The following KLHL21 variants were observed in gnomAD, a reference collection of about 807,000 sequenced individuals.
KLHL21 encodes kelch like family member 21.
KLHL21 carries 42 observed loss-of-function variants against 44.1 expected under a neutral mutation model. The ratio of observed to expected loss-of-function variants is 0.95; its 90% CI spans 0.74 to 1.23. The LOEUF (loss-of-function observed/expected upper bound fraction) is 1.23. Among genes scored for constraint, KLHL21 ranks in the 50% most tolerant of loss-of-function variants. The probability of loss-of-function intolerance (pLI) is 0.00; values close to 1 mark genes in which losing one functional copy is unlikely to be tolerated. For missense variants in KLHL21, 918 were observed against 889.1 expected (o/e 1.03, Z -0.41); for synonymous variants, 524 against 411.6 (o/e 1.27, Z -3.31).
rs954744417 is a variant in KLHL21 at position 6,595,566 on chromosome 1, G to C, written c.1428-9C>G. 6.2e-7 allele frequency: 1 copy of C among 1,612,258 alleles called. No homozygotes were observed. Among genetic ancestry groups the C allele is most frequent in the African/African-American group, 1.3e-5 (1 of 74,884 alleles). ...CCTCAGCGGAGTCATCCCTGTGGAG[G>C]GGGCAGCAGGAGGACAACTGCTCAG... is the stretch of plus-strand genomic sequence containing the variant. On this transcript the variant is annotated splice_polypyrimidine_tract_variant and intron_variant, in intron 2 of 3. Transcript: ENST00000377658.
Position 6,591,291 on chromosome 1 carries a change from T to G in KLHL21, c.*2074A>C, listed in dbSNP as rs1031992787. 7 of 323,536 alleles carry G rather than the reference T, an allele frequency of 2.2e-5. No individual in the cohort carries two copies. Among genetic ancestry groups the G allele is most frequent in the Admixed American group, 2.0e-4 (4 of 20,278 alleles). 20.0% of individuals were successfully genotyped at this position (323,536 alleles called of 1,614,324 possible). On this transcript the variant is annotated 3_prime_UTR_variant, in exon 4 of 4. Transcript: ENST00000377658. The stretch of plus-strand genomic sequence containing the variant: ...AGGACAGACACAGGAGAGGGCACAA[T>G]CCCAAGCGCAGCTCTCCTGCACTGG...
chr1:6,600,756 G>A (rs1641004935), intron 1 of KLHL21, among the ~76,000 whole-genome samples: 1 of 152,244 alleles, frequency 6.6e-6, no homozygotes, highest in Non-Finnish European at 1.5e-5. Context: ...CCACTGGTCA[G>A]ACTTTCAGAA....
At chr1:6,599,799 C>T in intron 1 of KLHL21, 1 of 259,388 alleles carries the variant, frequency 3.9e-6, no homozygotes, top group Non-Finnish European at 7.4e-6. Context: ...CCTGGGGAGC[C>T]ACAGAGCTTG....
At chr1:6,595,191 G>A (rs1466222110) in intron 3 of KLHL21, 2 of 576,604 alleles carry the variant, frequency 3.5e-6, no homozygotes, top group African/African-American at 3.8e-5. Flanking sequence ...TGGAACAGGT[G>A]TCCCCAGATG....
Position 6,602,618 on chromosome 1 carries a change from C to T in KLHL21, c.200G>A (p.Gly67Glu). 6.6e-7 allele frequency: 1 copy of T among 1,521,076 alleles called. No homozygotes were observed. The highest frequency in any genetic ancestry group is 8.8e-7 in the Non-Finnish European group (1 of 1,140,114). 94.2% of individuals were successfully genotyped at this position (1,521,076 alleles called of 1,614,324 possible). Reference sequence around the variant, plus strand: ...CTCGGCGCGGCTCTCGCGCAGCTGCCCCGCGAACATGGCGCGGAAGTAGGG... The same window carrying T: ...CTCGGCGCGGCTCTCGCGCAGCTGCTCCGCGAACATGGCGCGGAAGTAGGG... Reference protein sequence around the residue: ...ASPYFRAMFAGQLRESRAERV... With the variant: ...ASPYFRAMFAEQLRESRAERV... The change falls in exon 1 of 4, where the codon GGG becomes GAG. Residue 67 changes from glycine (G) to glutamate (E), a missense_variant. Gly to Glu is a moderately conservative substitution (Grantham distance 98, BLOSUM62 -2). Transcript: ENST00000377658.
chr1:6,601,787 G>A lies in KLHL21; in HGVS notation c.1021+10C>T. ...CCCCAGAGAGCCTGCCCAGCCCCTG[G>A]CCCACTCACCCGTCACGTAGATGTC... On this transcript the variant is annotated intron_variant, in intron 1 of 3. Transcript: ENST00000377658. The A allele has an allele frequency of 1.3e-6, 2 of 1,560,632 alleles. No homozygotes were observed. The highest frequency in any genetic ancestry group is 1.7e-4 in the Middle Eastern group (1 of 5,972).
In KLHL21 at chr1:6,602,035, C is replaced by A; in HGVS notation, c.783G>T (p.Gln261His). The A allele has an allele frequency of 6.5e-7, 1 of 1,528,624 alleles. No individual in the cohort carries two copies. Among genetic ancestry groups the A allele is most frequent in the African/African-American group, 1.4e-5 (1 of 71,018 alleles). 94.7% of individuals were successfully genotyped at this position (1,528,624 alleles called of 1,614,324 possible). ...LRLLREARDF[Q>H]AARYDRHDRG... ...GGTCGTGGCGGTCGTAGCGCGCCGC[C>A]TGGAAGTCGCGCGCCTCGCGCAGCA... The change falls in exon 1 of 4, where the codon CAG becomes CAT. Residue 261 changes from glutamine (Q) to histidine (H), a missense_variant. Physicochemically the swap from Gln to His is conservative, Grantham distance 24. Coordinates refer to ENST00000377658, the MANE Select transcript of KLHL21 (RefSeq NM_014851.4).
At position 6,602,313 on chromosome 1, in the gene KLHL21, C is replaced by T. The variant is rs748300221; in HGVS notation, c.505G>A (p.Gly169Ser). The T allele has an allele frequency of 6.4e-7, 1 of 1,553,936 alleles. No individual in the cohort carries two copies. The highest frequency in any genetic ancestry group is 8.6e-7 in the Non-Finnish European group (1 of 1,156,604). The stretch of plus-strand genomic sequence containing the variant: ...GGCAGCCGCTCCAGCTGCTCGGCGC[C>T]CAGCTCGCCCACGTGGCGCAGAATG... Reference protein sequence around the residue: ...RFILRHVGELGAEQLERLPLA... With the variant: ...RFILRHVGELSAEQLERLPLA... The change falls in exon 1 of 4, where the codon GGC becomes AGC. Residue 169 changes from glycine (G) to serine (S), a missense_variant. Coordinates refer to ENST00000377658, the MANE Select transcript of KLHL21 (RefSeq NM_014851.4).
Position 6,602,780 on chromosome 1 carries a change from G to C in KLHL21, c.38C>G (p.Ser13Trp). The C allele has an allele frequency of 1.4e-6, 2 of 1,478,982 alleles. No homozygotes were observed. The highest frequency in any genetic ancestry group is 8.9e-7 in the Non-Finnish European group (1 of 1,124,430). 91.6% of individuals were successfully genotyped at this position (1,478,982 alleles called of 1,614,324 possible). A position where few individuals can be genotyped will look rare whatever the true frequency, so the allele number is the denominator to read the frequency against. ...RPAPLAVLPF[S>W]DPAHALSLLR... ...CAGGCTCAGGGCGTGCGCGGGGTCC[G>C]AGAAGGGAAGCACGGCCAGGGGCGC... Residue 13 changes from serine (S) to tryptophan (W), a missense_variant, in exon 1 of 4, where the codon TCG (serine) becomes TGG (tryptophan). Coordinates refer to ENST00000377658, the MANE Select transcript of KLHL21 (RefSeq NM_014851.4).
chr1:6,601,632 A>C (rs915525096), intron 1 of KLHL21, among the ~76,000 whole-genome samples, 165 bp downstream of exon 1: 6 of 152,128 alleles, frequency 3.9e-5, no homozygotes, highest in Non-Finnish European at 8.8e-5. Context: ...GCCCTTCTTC[A>C]AGGTTAAAAG....
intron 3 of KLHL21, chr1:6,595,232 G>C (rs1009419835): frequency 1.6e-6 from 1 of 608,486 alleles, no homozygotes; most frequent in African/African-American, 1.9e-5. Context: ...ACTTCCTTCT[G>C]CTCTCTGGCT....
chr1:6,600,169 C>T (rs958444884), intron 1 of KLHL21, among the ~76,000 whole-genome samples: 2 of 152,158 alleles, frequency 1.3e-5, no homozygotes, highest in African/African-American at 2.4e-5. Flanking sequence ...CCTCAGCCTC[C>T]TGAGTGGCTG....
rs1459316253 is a variant in KLHL21 at position 6,602,767 on chromosome 1, G to T, written c.51C>A (p.His17Gln). The T allele has an allele frequency of 6.7e-7, 1 of 1,489,564 alleles. No homozygotes were observed. Among genetic ancestry groups the T allele is most frequent in the Admixed American group, 2.3e-5 (1 of 43,730 alleles). 92.3% of individuals were successfully genotyped at this position (1,489,564 alleles called of 1,614,324 possible). A position where few individuals can be genotyped will look rare whatever the true frequency, so the allele number is the denominator to read the frequency against. Residue 17 changes from histidine to glutamine, a missense_variant, in exon 1 of 4, where the codon CAC becomes CAA. His to Gln is a conservative substitution (Grantham distance 24). Coordinates refer to ENST00000377658, the MANE Select transcript of KLHL21 (RefSeq NM_014851.4). ...LAVLPFSDPA[H>Q]ALSLLRGLSQ... is the part of the protein sequence containing the mutation. ...TCAGGCCGCGCAGCAGGCTCAGGGC[G>T]TGCGCGGGGTCCGAGAAGGGAAGCA...
Position 6,602,763 on chromosome 1 carries a change from G to C in KLHL21, c.55C>G (p.Leu19Val). ...VLPFSDPAHA[L>V]SLLRGLSQLR... ...TGGCTCAGGCCGCGCAGCAGGCTCA[G>C]GGCGTGCGCGGGGTCCGAGAAGGGA... Residue 19 changes from leucine (L) to valine (V), a missense_variant, in exon 1 of 4, where the codon CTG (leucine) becomes GTG (valine). Coordinates refer to ENST00000377658, the MANE Select transcript of KLHL21 (RefSeq NM_014851.4). 1 of 1,491,434 alleles carries C rather than the reference G, an allele frequency of 6.7e-7. No individual in the cohort carries two copies. The highest frequency in any genetic ancestry group is 8.9e-7 in the Non-Finnish European group (1 of 1,129,106). The allele number at this position is 1,491,434 out of a possible 1,614,324, so 92.4% of individuals were successfully genotyped here. A position where few individuals can be genotyped will look rare whatever the true frequency, so the allele number is the denominator to read the frequency against.
At position 6,593,320 on chromosome 1, in the gene KLHL21, G is replaced by T. The variant is rs1414947861; in HGVS notation, c.*45C>A. The T allele has an allele frequency of 6.6e-7, 1 of 1,512,114 alleles. No homozygotes were observed. 93.7% of individuals were successfully genotyped at this position (1,512,114 alleles called of 1,614,324 possible). On this transcript the variant is annotated 3_prime_UTR_variant, in exon 4 of 4. Coordinates refer to ENST00000377658, the MANE Select transcript of KLHL21 (RefSeq NM_014851.4). ...AAGGAGTGGGGCACTGCCCCGCAGA[G>T]GTGCCAGTTACCTGCACCGAGGCCC...
intron 1 of KLHL21, 198 bp from the exon 2 acceptor site, chr1:6,599,650 G>T (rs988287092): frequency 4.9e-6 from 3 of 608,386 alleles, no homozygotes; most frequent in Non-Finnish European, 8.6e-6. Flanking sequence ...ACTGTCCAGC[G>T]AGATGACTGC....
rs758370828 is a variant in KLHL21, at chr1:6,595,364, A to G, written c.1500+121T>C. 30 of 868,472 alleles carry G rather than the reference A, an allele frequency of 3.5e-5. No homozygotes were observed. In the African/African-American group the frequency reaches 4.8e-4, roughly 14 times the overall value. The allele number at this position is 868,472 out of a possible 1,614,324, so 53.8% of individuals were successfully genotyped here. A position where few individuals can be genotyped will look rare whatever the true frequency, so the allele number is the denominator to read the frequency against. ...AAAATAAGGGTAAGAGCAGCCTTCT[A>G]TTAATTGAGATGAGACCCACCCATC... On this transcript the variant is annotated intron_variant, in intron 3 of 3. Transcript: ENST00000377658.
chr1:6,602,855 G>T lies in KLHL21; in HGVS notation c.-38C>A. On this transcript the variant is annotated 5_prime_UTR_variant, in exon 1 of 4. Coordinates refer to ENST00000377658, the MANE Select transcript of KLHL21 (RefSeq NM_014851.4). ...AGGTTGTCGAGGACGCCGCGGCCGG[G>T]GCCTGCGGAGAGACGCGGCGCGCTA... 7.2e-7 allele frequency: 1 copy of T among 1,381,816 alleles called. No individual in the cohort carries two copies. 85.6% of individuals were successfully genotyped at this position (1,381,816 alleles called of 1,614,324 possible). A position where few individuals can be genotyped will look rare whatever the true frequency, so the allele number is the denominator to read the frequency against.
chr1:6,601,981 G>A lies in KLHL21; in HGVS notation c.837C>T (p.Arg279=). The part of the protein sequence containing the change: ...DRGPCPRMRP[R]PSTGLAEILV... Reference sequence around the variant, plus strand: ...GGATCTCGGCGAGACCGGTGGACGGGCGAGGACGCATTCGGGGACAGGGCC... The same window carrying A: ...GGATCTCGGCGAGACCGGTGGACGGACGAGGACGCATTCGGGGACAGGGCC... Residue 279 remains arginine, a synonymous_variant, in exon 1 of 4, where the codon CGC becomes CGT. Coordinates refer to ENST00000377658, the MANE Select transcript of KLHL21 (RefSeq NM_014851.4). The A allele has an allele frequency of 3.2e-6, 5 of 1,554,086 alleles. No individual in the cohort carries two copies. Among genetic ancestry groups the A allele is most frequent in the Non-Finnish European group, 1.7e-6 (2 of 1,148,966 alleles).
Sources: allele counts gnomAD v4.1 joint callset (sites outside exome capture counted in the v4.1 genomes callset), GRCh38; gene constraint gnomAD v4.1.1; transcripts MANE v1.5; gene names NCBI Gene and HGNC (gene_info 2026-07-23, HGNC 2026-07-21).